Variants in SFI1 observed in about 807,000 individuals in gnomAD.
SFI1 encodes SFI1 centrin binding protein, also known as protein SFI1 homolog.
Under a neutral mutation model 207.5 loss-of-function variants are expected in SFI1, and 195 were observed. That is an observed-to-expected ratio of 0.94 (90% CI 0.84 to 1.06). SFI1 has a LOEUF of 1.06. Among genes scored for constraint, SFI1 ranks in the 50% least tolerant of loss-of-function variants. The probability of loss-of-function intolerance (pLI) is 0.00; values close to 1 mark genes in which losing one functional copy is unlikely to be tolerated. For synonymous variants in SFI1, 630 were observed against 598.9 expected (o/e 1.05, Z -0.76); for missense variants, 1,634 against 1,588.0 (o/e 1.03, Z -0.49).
rs991313609 is a variant in SFI1 at position 31,545,739 on chromosome 22, C to T, written c.339-1122C>T. ...GGGACTACTGGCGTGCACCACCATG[C>T]CTGGCTAATTTTTGTATTTTTAGTA... On this transcript the variant is annotated intron_variant, in intron 4 of 32. Coordinates refer to ENST00000400288, the MANE Select transcript of SFI1 (RefSeq NM_001007467.3). 2.0e-5 allele frequency among the ~76,000 whole-genome samples: 3 copies of T among 151,172 alleles called. No individual in the cohort carries two copies. In the East Asian group the frequency reaches 5.9e-4, roughly 30 times the overall value.
chr22:31,572,582 A>G (rs952422372), intron 8 of SFI1, among the ~76,000 whole-genome samples: 1 of 151,796 alleles, frequency 6.6e-6, no homozygotes, highest in Non-Finnish European at 1.5e-5. Context: ...GCTCACTGCA[A>G]CCTCCACGTC....
Position 31,611,314 on chromosome 22 carries a change from C to T in SFI1, c.2415+11C>T, listed in dbSNP as rs751838140. On this transcript the variant is annotated intron_variant, in intron 23 of 32. Transcript: ENST00000400288. ...TGTGTCAGGAAGAGGGTGAGGCTGA[C>T]GGTGGCAACTCTCCAAGTTCTGCCT... The T allele has an allele frequency of 7.0e-6, 11 of 1,578,480 alleles. No individual in the cohort carries two copies. The highest frequency in any genetic ancestry group is 2.3e-5 in the South Asian group (2 of 86,850).
intron 8 of SFI1, among the ~76,000 whole-genome samples, chr22:31,568,733 A>C (rs1449675247): frequency 6.6e-6 from 1 of 151,950 alleles, no homozygotes; most frequent in African/African-American, 2.4e-5. Context: ...AAGCTAATGG[A>C]ATTGTGTCAG....
At chr22:31,589,411 A>G in intron 14 of SFI1, 36 bp from the exon 15 acceptor site, 1 of 1,514,992 alleles carries the variant, frequency 6.6e-7, no homozygotes, top group Non-Finnish European at 8.8e-7. Context: ...AAAAAAAAAA[A>G]GTTAAGTACA....
Position 31,536,716 on chromosome 22 carries a change from AAATCTATTTTTTACTCAATTT to A in SFI1, c.338+5588_338+5608del, listed in dbSNP as rs1338500664. Among the ~76,000 whole-genome samples the A allele has an allele frequency of 4.6e-5, 7 of 152,070 alleles. No individual in the cohort carries two copies. In the East Asian group the frequency reaches 1.2e-3, roughly 25 times the overall value. ...GCATATGCCACCATGCCCGGCCCTAAAATCTATTTTTTACTCAATTTTATTTATCTATATTTGACCCATATT... is the reference window on the plus strand; with the variant it reads ...GCATATGCCACCATGCCCGGCCCTAATATTTATCTATATTTGACCCATATT... On this transcript the variant is annotated intron_variant, in intron 4 of 32. Coordinates refer to ENST00000400288, the MANE Select transcript of SFI1 (RefSeq NM_001007467.3).
chr22:31,505,488 G>T (rs568512755), intron 1 of SFI1, among the ~76,000 whole-genome samples: 1 of 152,190 alleles, frequency 6.6e-6, no homozygotes, highest in East Asian at 1.9e-4. Flanking sequence ...AGGTGCAGTG[G>T]TGCCTGTCTG....
At chr22:31,572,412 T>G (rs1341867356) in intron 8 of SFI1, among the ~76,000 whole-genome samples, 1 of 152,148 alleles carries the variant, frequency 6.6e-6, no homozygotes, top group Non-Finnish European at 1.5e-5. Flanking sequence ...ACAGTAGGCT[T>G]CCTCTGACTT....
chr22:31,564,352 C>T (rs2062035727), intron 8 of SFI1, among the ~76,000 whole-genome samples: 1 of 150,658 alleles, frequency 6.6e-6, no homozygotes, highest in East Asian at 2.0e-4. Context: ...AAATTAGCAG[C>T]TAGCCAAGTA....
At chr22:31,582,173 T>C (rs1283046919) in intron 12 of SFI1, among the ~76,000 whole-genome samples, 1 of 118,748 alleles carries the variant, frequency 8.4e-6, no homozygotes, top group Non-Finnish European at 1.7e-5. Context: ...ATCTAGAACT[T>C]TCCTTCCCCC....
At chr22:31,551,462 A>G (rs2060613843) in intron 6 of SFI1, among the ~76,000 whole-genome samples, 2 of 152,246 alleles carry the variant, frequency 1.3e-5, no homozygotes, top group African/African-American at 4.8e-5. Flanking sequence ...CCTCATGATT[A>G]CTGCACCAAA....
chr22:31,587,028 T>C (rs1439118663), intron 14 of SFI1, among the ~76,000 whole-genome samples: 2 of 152,196 alleles, frequency 1.3e-5, no homozygotes, highest in Admixed American at 6.5e-5. Flanking sequence ...TCTTCCTTTT[T>C]AAAAAGTAAC....
chr22:31,499,880 C>T (rs2053418903), intron 1 of SFI1, among the ~76,000 whole-genome samples: 1 of 150,986 alleles, frequency 6.6e-6, no homozygotes, highest in African/African-American at 2.4e-5. Context: ...CCCAGCTACT[C>T]CAGAGGCTGA....
At chr22:31,571,524 A>G (rs1250032853) in intron 8 of SFI1, among the ~76,000 whole-genome samples, 1 of 150,508 alleles carries the variant, frequency 6.6e-6, no homozygotes, top group African/African-American at 2.5e-5. Context: ...CATGTTTCCC[A>G]GGCTGGGCTC....
intron 12 of SFI1, among the ~76,000 whole-genome samples, chr22:31,582,222 A>ATGTG (rs1340101212): frequency 3.2e-5 from 1 of 31,486 alleles, no homozygotes; most frequent in Non-Finnish European, 5.8e-5. Context: ...ATATATATAT[A>ATGTG]TATATATATA....
At chr22:31,591,725 GGCAGAGGCGCCCCTCACCTC>G (rs2065971962) in intron 15 of SFI1, among the ~76,000 whole-genome samples, 3 of 54,838 alleles carry the variant, frequency 5.5e-5, no homozygotes, top group South Asian at 1.6e-3. Flanking sequence ...GGGGTGGCCG[GGCAGAGGCGCCCCTCACCTC>G]CCGGACGGGG....
Position 31,618,249 on chromosome 22 carries a change from G to A in SFI1, c.3624+23G>A, listed in dbSNP as rs563464743. Reference sequence around the variant, plus strand: ...CAGGTGAGGCCCCAGGCCATCCCCAGGTGTCCCTGGGGACGCCCCGGGCTG... The same window carrying A: ...CAGGTGAGGCCCCAGGCCATCCCCAAGTGTCCCTGGGGACGCCCCGGGCTG... On this transcript the variant is annotated intron_variant, in intron 32 of 32. Transcript: ENST00000400288. 14 of 1,597,282 alleles carry A rather than the reference G, an allele frequency of 8.8e-6. No individual in the cohort carries two copies. The East Asian group carries it at 2.9e-4, about 34-fold the overall frequency.
At chr22:31,552,754 G>C (rs778521155) in intron 6 of SFI1, among the ~76,000 whole-genome samples, 1 of 152,068 alleles carries the variant, frequency 6.6e-6, no homozygotes, top group Non-Finnish European at 1.5e-5. Context: ...TCTCCATACT[G>C]TTTTCCATAG....
At chr22:31,567,576 G>C (rs187156612) in intron 8 of SFI1, among the ~76,000 whole-genome samples, 1 of 151,526 alleles carries the variant, frequency 6.6e-6, no homozygotes, top group Non-Finnish European at 1.5e-5. Flanking sequence ...GGAGGGGGGG[G>C]GTGTGTGTGT....
chr22:31,573,106 C>G lies in SFI1; in HGVS notation c.814C>G (p.Gln272Glu), dbSNP rs2063122639. The change falls in exon 9 of 33, where the codon CAA (glutamine) becomes GAA (glutamate). Residue 272 changes from glutamine (Q) to glutamate (E), a missense_variant. By Grantham distance (29) the Gln-to-Glu change is conservative. Coordinates refer to ENST00000400288, the MANE Select transcript of SFI1 (RefSeq NM_001007467.3). ...GCTCCTGTATGTCCAGAAGGAGAAA[C>G]AAAAGGTTGTCTCTGCAGTGAAACA... ...EQLLYVQKEK[Q>E]KVVSAVKHHQ... 1 of 1,613,130 alleles carries G rather than the reference C, an allele frequency of 6.2e-7. No homozygotes were observed. The highest frequency in any genetic ancestry group is 8.5e-7 in the Non-Finnish European group (1 of 1,179,864).
Sources: gnomAD v4.1 joint callset for allele counts (sites outside exome capture counted in the v4.1 genomes callset) on GRCh38, gnomAD v4.1.1 for gene constraint, MANE v1.5 for transcripts, NCBI Gene and HGNC (gene_info 2026-07-23, HGNC 2026-07-21) for gene names.